Variants in CNTN5 observed in about 807,000 individuals in gnomAD.
The protein encoded by CNTN5 is contactin-5.
A neutral mutation model predicts 129.1 loss-of-function variants in CNTN5; 77 were observed. That is an observed-to-expected ratio of 0.60 (90% CI 0.50 to 0.72). The LOEUF (loss-of-function observed/expected upper bound fraction) is 0.72. Among genes scored for constraint, CNTN5 ranks in the 30% least tolerant of loss-of-function variants. The pLI, the probability that CNTN5 is intolerant of heterozygous loss-of-function variation, is 0.00. For synonymous variants in CNTN5, 509 were observed against 465.6 expected, an observed-to-expected ratio of 1.09 and a Z score of -1.20; for missense variants, 1,478 against 1,328.8, an observed-to-expected ratio of 1.11 and a Z score of -1.75.
chr11:100,058,784 G>T (rs7940957), intron 9 of CNTN5, among the ~76,000 whole-genome samples: 3 of 151,874 alleles, frequency 2.0e-5, no homozygotes, highest in South Asian at 2.1e-4. Flanking sequence ...TACACTTAAC[G>T]GTTATAATCT....
intron 1 of CNTN5, among the ~76,000 whole-genome samples, chr11:99,253,671 G>T (rs1862227960): frequency 2.6e-5 from 4 of 151,452 alleles, no homozygotes; most frequent in Middle Eastern, 3.4e-3. Context: ...TATTTAGATT[G>T]TATGCACTCT....
At chr11:100,243,053 C>T (rs1011877554) in intron 16 of CNTN5, among the ~76,000 whole-genome samples, 2 of 152,172 alleles carry the variant, frequency 1.3e-5, no homozygotes, top group African/African-American at 2.4e-5. Flanking sequence ...CTTGGCACTT[C>T]CACCTCTGTA....
intron 3 of CNTN5, among the ~76,000 whole-genome samples, chr11:99,662,357 AT>A: frequency 6.6e-6 from 1 of 152,324 alleles, no homozygotes; most frequent in East Asian, 1.9e-4. Flanking sequence ...AGACAATCAT[AT>A]TGAGAAATGA....
chr11:99,736,548 TTAATC>T (rs1943717195), intron 3 of CNTN5, among the ~76,000 whole-genome samples: 1 of 152,208 alleles, frequency 6.6e-6, no homozygotes, highest in South Asian at 2.1e-4. Flanking sequence ...TCTAATGTGT[TTAATC>T]TATCTCTGTA....
intron 4 of CNTN5, among the ~76,000 whole-genome samples, chr11:99,842,731 T>C (rs541893389): frequency 1.3e-5 from 2 of 152,334 alleles, no homozygotes; most frequent in Admixed American, 1.3e-4. Flanking sequence ...TTGTGATTTA[T>C]AAAAATTTAT....
intron 1 of CNTN5, among the ~76,000 whole-genome samples, chr11:99,116,519 C>T (rs1591217890): frequency 6.6e-6 from 1 of 151,964 alleles, no homozygotes. Context: ...TCAGGTTGCA[C>T]GTTACATAAT....
intron 13 of CNTN5, 62 bp downstream of exon 13, chr11:100,074,356 A>G: frequency 7.4e-7 from 1 of 1,344,370 alleles, no homozygotes; most frequent in Admixed American, 2.2e-5. Context: ...CAGGTGACAC[A>G]CACAAACTAT....
At chr11:99,402,650 T>C (rs1405737930) in intron 2 of CNTN5, among the ~76,000 whole-genome samples, 1 of 152,156 alleles carries the variant, frequency 6.6e-6, no homozygotes, top group Non-Finnish European at 1.5e-5. Context: ...GTAGGATTGG[T>C]ATTAGTTCTT....
chr11:99,287,275 GTAT>G (rs1863978747), intron 1 of CNTN5, among the ~76,000 whole-genome samples: 1 of 152,086 alleles, frequency 6.6e-6, no homozygotes, highest in Non-Finnish European at 1.5e-5. Context: ...AGCTGAAATA[GTAT>G]TATTATGTGT....
chr11:99,068,104 C>T (rs1865178893), intron 1 of CNTN5, among the ~76,000 whole-genome samples: 5 of 152,120 alleles, frequency 3.3e-5, no homozygotes, highest in African/African-American at 1.2e-4. Flanking sequence ...GCTTCCCCAG[C>T]CATGCTGAAC....
At chr11:99,864,265 T>G (rs1948294874) in intron 6 of CNTN5, among the ~76,000 whole-genome samples, 3 of 152,144 alleles carry the variant, frequency 2.0e-5, no homozygotes, top group Admixed American at 2.0e-4. Flanking sequence ...ACACTTAGAA[T>G]GAAAGAGATA....
rs554590296 is a variant in CNTN5, at chr11:99,184,319, A to G, written c.-209-141027A>G. Reference sequence around the variant, plus strand: ...ACTACTGACAGTACTTGAGTGTGCCATGTTCTCTTACAATTTTATGAACTC... The same window carrying G: ...ACTACTGACAGTACTTGAGTGTGCCGTGTTCTCTTACAATTTTATGAACTC... On this transcript the variant is annotated intron_variant, in intron 1 of 24. Transcript: ENST00000524871. 2.6e-5 allele frequency among the ~76,000 whole-genome samples: 4 copies of G among 152,126 alleles called. No homozygotes were observed. The South Asian group carries it at 6.2e-4, about 24-fold the overall frequency.
intron 3 of CNTN5, among the ~76,000 whole-genome samples, chr11:99,784,319 G>C (rs1170365035): frequency 2.0e-5 from 3 of 151,716 alleles, no homozygotes; most frequent in African/African-American, 7.3e-5. Flanking sequence ...CCCCACATAG[G>C]CCCAGGTGTG....
chr11:99,718,164 C>T (rs1222667235), intron 3 of CNTN5, among the ~76,000 whole-genome samples: 1 of 151,314 alleles, frequency 6.6e-6, no homozygotes, highest in Non-Finnish European at 1.5e-5. Context: ...TTTTTAATAA[C>T]CTCACTCTTT....
Position 99,695,507 on chromosome 11 carries a change from A to G in CNTN5, c.56-124037A>G, listed in dbSNP as rs78210697. On this transcript the variant is annotated intron_variant, in intron 3 of 24. Coordinates refer to ENST00000524871, the MANE Select transcript of CNTN5 (RefSeq NM_014361.4). ...TAAGAAGTAGCAGAAGCTGACTTTT[A>G]TACAATTTTAGGAATGAGTATAAAA... 9.1e-3 allele frequency among the ~76,000 whole-genome samples: 1,378 copies of G among 152,252 alleles called. 21 individuals are homozygous for G. Among genetic ancestry groups the G allele is most frequent in the African/African-American group, 0.03 (1,253 of 41,550 alleles).
chr11:99,710,675 C>T (rs892343303), intron 3 of CNTN5, among the ~76,000 whole-genome samples: 2 of 151,172 alleles, frequency 1.3e-5, no homozygotes, highest in African/African-American at 4.9e-5. Flanking sequence ...TACGCAATCT[C>T]ACATGTTGGG....
chr11:99,313,052 G>A (rs940200930), intron 1 of CNTN5, among the ~76,000 whole-genome samples: 24 of 151,550 alleles, frequency 1.6e-4, no homozygotes, highest in Non-Finnish European at 2.5e-4. Flanking sequence ...ATACTCGATC[G>A]TATATAGACA....
chr11:100,043,212 C>G (rs1359251515), intron 9 of CNTN5, among the ~76,000 whole-genome samples: 1 of 152,044 alleles, frequency 6.6e-6, no homozygotes, highest in Non-Finnish European at 1.5e-5. Flanking sequence ...CATTTGAAAA[C>G]AGCAAAATTA....
At chr11:100,237,382 T>G (rs1949643365) in intron 16 of CNTN5, among the ~76,000 whole-genome samples, 1 of 152,128 alleles carries the variant, frequency 6.6e-6, no homozygotes, top group Non-Finnish European at 1.5e-5. Flanking sequence ...CTTAATTATT[T>G]TCTTGATTTG....
Sources: gnomAD v4.1 joint callset for allele counts (sites outside exome capture counted in the v4.1 genomes callset) on GRCh38, gnomAD v4.1.1 for gene constraint, MANE v1.5 for transcripts, NCBI Gene and HGNC (gene_info 2026-07-23, HGNC 2026-07-21) for gene names.